Variants in WDR11 observed in about 807,000 individuals in gnomAD.
WDR11 encodes WD repeat domain 11, also known as WD repeat-containing protein 11.
A neutral mutation model predicts 151.2 loss-of-function variants in WDR11; 83 were observed. The ratio of observed to expected loss-of-function variants is 0.55; its 90% CI spans 0.46 to 0.66. The LOEUF is 0.66. Ranked by LOEUF, WDR11 falls within the 30% of genes least tolerant of loss-of-function variation. The pLI is 0.00. For synonymous variants in WDR11, 484 were observed against 533.1 expected (o/e 0.91, Z 1.27); for missense variants, 1,301 against 1,480.9 (o/e 0.88, Z 1.99).
chr10:120,860,876 T>G (rs1003955088), intron 4 of WDR11, among the ~76,000 whole-genome samples: 2 of 152,242 alleles, frequency 1.3e-5, no homozygotes, highest in African/African-American at 4.8e-5. Context: ...CAGATATTTC[T>G]TGAGCTATTG....
At position 120,909,071 on chromosome 10, in the gene WDR11, C is replaced by A; in HGVS notation, c.*358C>A. 7.1e-6 allele frequency: 2 copies of A among 282,770 alleles called. No homozygotes were observed. Among genetic ancestry groups the A allele is most frequent in the South Asian group, 4.2e-5 (1 of 23,786 alleles). 17.5% of individuals were successfully genotyped at this position (282,770 alleles called of 1,614,324 possible). A position where few individuals can be genotyped will look rare whatever the true frequency, so the allele number is the denominator to read the frequency against. On this transcript the variant is annotated 3_prime_UTR_variant, in exon 29 of 29. Transcript: ENST00000263461. ...ATTAAATGTAAAGATTATTGAGAAACCTATAGTAAATGAAATTTGTGAGAT... is the reference window on the plus strand; with the variant it reads ...ATTAAATGTAAAGATTATTGAGAAAACTATAGTAAATGAAATTTGTGAGAT...
In WDR11 at chr10:120,889,738, C is replaced by A; in HGVS notation, c.2229-157C>A. Reference sequence around the variant, plus strand: ...GTCTTAGCTGACCTTAAAGGGCAGGCCCTTTCTGTCAGATGTGGCCCCCAG... The same window carrying A: ...GTCTTAGCTGACCTTAAAGGGCAGGACCTTTCTGTCAGATGTGGCCCCCAG... On this transcript the variant is annotated intron_variant, in intron 17 of 28. Transcript: ENST00000263461. 4.5e-6 allele frequency: 3 copies of A among 670,426 alleles called. No homozygotes were observed. The South Asian group carries it at 4.9e-5, about 11-fold the overall frequency. The allele number at this position is 670,426 out of a possible 1,614,324, so 41.5% of individuals were successfully genotyped here.
At chr10:120,864,419 A>T (rs1366571536) in intron 5 of WDR11, among the ~76,000 whole-genome samples, 1 of 152,224 alleles carries the variant, frequency 6.6e-6, no homozygotes, top group Admixed American at 6.5e-5. Context: ...GTATGCAACA[A>T]TCACAAATTA....
At chr10:120,890,066 C>G (rs1288194510) in intron 18 of WDR11, 57 bp downstream of exon 18, 1 of 1,274,692 alleles carries the variant, frequency 7.8e-7, no homozygotes, top group East Asian at 2.3e-5. Flanking sequence ...AGGAACTGTG[C>G]TTTGTTAAAA....
intron 24 of WDR11, 85 bp downstream of exon 24, chr10:120,904,227 T>TGC: frequency 9.2e-7 from 1 of 1,089,754 alleles, no homozygotes; most frequent in Non-Finnish European, 1.4e-6. Flanking sequence ...ATGTATATAT[T>TGC]TCATAATATT....
At chr10:120,861,943 T>A (rs183917146) in intron 4 of WDR11, among the ~76,000 whole-genome samples, 192 of 152,290 alleles carry the variant, frequency 1.3e-3, no homozygotes, top group Admixed American at 3.5e-3. Flanking sequence ...CTTAATCATC[T>A]TAAGGTTCGA....
intron 3 of WDR11, among the ~76,000 whole-genome samples, 147 bp from the exon 4 acceptor site, chr10:120,859,954 TACACACAC>T (rs3217470): frequency 1.3e-4 from 20 of 150,840 alleles, no homozygotes; most frequent in East Asian, 3.9e-4. Flanking sequence ...GGAATATTGA[TACACACAC>T]ACACACACAC....
chr10:120,907,338 T>C (rs1350713338), intron 28 of WDR11: 1 of 173,448 alleles, frequency 5.8e-6, no homozygotes, highest in Non-Finnish European at 1.3e-5. Flanking sequence ...GAGGTGTTGC[T>C]CAGGCCAGCC....
Position 120,905,980 on chromosome 10 carries a change from C to T in WDR11, c.3396C>T (p.Leu1132=). ...NQKSKALLVL[L]SLGCFFSVAE... The stretch of plus-strand genomic sequence containing the variant: ...AATCAAAGGCTCTCCTGGTTCTCCT[C>T]TCTCTGGGCTGCTTTTTTAGCGTGG... Residue 1132 remains leucine (L), a synonymous_variant, in exon 27 of 29, where the codon CTC becomes CTT. Transcript: ENST00000263461. 1.9e-6 allele frequency: 3 copies of T among 1,614,150 alleles called. No homozygotes were observed. Among genetic ancestry groups the T allele is most frequent in the Middle Eastern group, 1.7e-4 (1 of 6,002 alleles).
intron 11 of WDR11, among the ~76,000 whole-genome samples, chr10:120,874,942 T>C (rs1481299512): frequency 2.6e-5 from 4 of 152,078 alleles, no homozygotes; most frequent in Non-Finnish European, 5.9e-5. Context: ...ATTAGGTATT[T>C]CTCCTAATGC....
At position 120,852,587 on chromosome 10, in the gene WDR11, T is replaced by G; in HGVS notation, c.150T>G (p.Thr50=). ...TTGTGGTAGTGATTGATTCCATTAC[T>G]GCCCAAACTCTTCAAGTTTTAGAAA... The part of the protein sequence containing the change: ...HSLVVVIDSI[T]AQTLQVLEKH... The change falls in exon 2 of 29, where the codon ACT becomes ACG. Residue 50 remains threonine (T), a synonymous_variant. Transcript: ENST00000263461. 6.2e-7 allele frequency: 1 copy of G among 1,614,124 alleles called. No individual in the cohort carries two copies. Among genetic ancestry groups the G allele is most frequent in the South Asian group, 1.1e-5 (1 of 91,084 alleles).
intron 19 of WDR11, chr10:120,899,818 A>G (rs1847748440): frequency 1.7e-6 from 1 of 582,734 alleles, no homozygotes; most frequent in Non-Finnish European, 3.0e-6. Context: ...AAAAAGGGGG[A>G]AAAGAAAAAT....
In WDR11 at chr10:120,871,322, A is replaced by G. The variant is rs553341761; in HGVS notation, c.1447A>G (p.Met483Val). ...CPPLTTKNIK[M>V]YQPLLAVGTS... ...ACCGTTGACCACAAAAAACATCAAGATGTATCAGCCACTGCTGGCTGTTGG... is the reference window on the plus strand; with the variant it reads ...ACCGTTGACCACAAAAAACATCAAGGTGTATCAGCCACTGCTGGCTGTTGG... Residue 483 changes from methionine to valine, a missense_variant, in exon 10 of 29, where the codon ATG becomes GTG. Met to Val is a conservative substitution (Grantham distance 21). Coordinates refer to ENST00000263461, the MANE Select transcript of WDR11 (RefSeq NM_018117.12). 9 of 1,613,330 alleles carry G rather than the reference A, an allele frequency of 5.6e-6. No individual in the cohort carries two copies. The South Asian group carries it at 9.9e-5, about 18-fold the overall frequency.
At chr10:120,871,088 A>T (rs1846520595) in intron 9 of WDR11, 82 bp from the exon 10 acceptor site, 7 of 1,417,294 alleles carry the variant, frequency 4.9e-6, no homozygotes, top group Non-Finnish European at 6.9e-6. Context: ...CCTGAAGAGC[A>T]TTTCTACTGA....
intron 19 of WDR11, among the ~76,000 whole-genome samples, chr10:120,897,699 C>T (rs1485570384): frequency 1.3e-5 from 2 of 151,956 alleles, no homozygotes; most frequent in Admixed American, 6.6e-5. Flanking sequence ...AAGGCCAAAA[C>T]CAAAAAGGAA....
At chr10:120,879,816 T>C (rs1846935717) in intron 12 of WDR11, 1 of 152,228 alleles carries the variant, frequency 6.6e-6, no homozygotes, top group Admixed American at 6.5e-5. Context: ...CCTTCAGTTG[T>C]CCTTGAATTG....
In WDR11 at chr10:120,889,098, C is replaced by T. The variant is rs1195888828; in HGVS notation, c.2142C>T (p.Thr714=). The T allele has an allele frequency of 1.2e-6, 2 of 1,613,560 alleles. No individual in the cohort carries two copies. Among genetic ancestry groups the T allele is most frequent in the South Asian group, 1.1e-5 (1 of 91,070 alleles). Residue 714 remains threonine (T), a synonymous_variant, in exon 17 of 29, where the codon ACC becomes ACT. Coordinates refer to ENST00000263461, the MANE Select transcript of WDR11 (RefSeq NM_018117.12). ...IPPDGSMGSI[T]CIAWKGDTLV... Reference sequence around the variant, plus strand: ...TCTAGGGAAGTATGGGTAGTATTACCTGCATCGCTTGGAAAGGTGATACAT... The same window carrying T: ...TCTAGGGAAGTATGGGTAGTATTACTTGCATCGCTTGGAAAGGTGATACAT...
intron 9 of WDR11, among the ~76,000 whole-genome samples, chr10:120,868,271 T>C (rs1406293910): frequency 1.3e-5 from 2 of 151,962 alleles, no homozygotes; most frequent in African/African-American, 4.8e-5. Flanking sequence ...CTGGCCAACA[T>C]AGTGAAACCC....
At chr10:120,868,944 AAC>A (rs10585635) in intron 9 of WDR11, among the ~76,000 whole-genome samples, 9,320 of 152,194 alleles carry the variant, frequency 0.061, 956 homozygotes, top group African/African-American at 0.21. Flanking sequence ...TTTTATCAGT[AAC>A]ACAATTTTTT....
Sources: allele counts gnomAD v4.1 joint callset (sites outside exome capture counted in the v4.1 genomes callset), GRCh38; gene constraint gnomAD v4.1.1; transcripts MANE v1.5; gene names NCBI Gene and HGNC (gene_info 2026-07-23, HGNC 2026-07-21).